Variants in WSCD2 observed in about 807,000 individuals in gnomAD.
WSCD2 encodes WSC domain sialate O sulfotransferase 2, also known as sialate:O-sulfotransferase 2.
A neutral mutation model predicts 55.7 loss-of-function variants in WSCD2; 28 were observed. The observed-to-expected ratio is 0.50, with a 90% CI of 0.37 to 0.69. The LOEUF (loss-of-function observed/expected upper bound fraction) is 0.69. WSCD2 is among the 30% of genes least tolerant of loss of function. The probability of loss-of-function intolerance (pLI) is 0.00; values close to 1 mark genes in which losing one functional copy is unlikely to be tolerated. For synonymous variants in WSCD2, 301 were observed against 301.9 expected, an observed-to-expected ratio of 1.00 and a Z score of 0.03; for missense variants, 616 against 762.1, an observed-to-expected ratio of 0.81 and a Z score of 2.26.
chr12:108,156,953 A>T (rs1316464310), intron 1 of WSCD2, among the ~76,000 whole-genome samples: 1 of 152,218 alleles, frequency 6.6e-6, no homozygotes, highest in African/African-American at 2.4e-5. Flanking sequence ...AGGCACTGCC[A>T]GGACTTGTTT....
intron 2 of WSCD2, among the ~76,000 whole-genome samples, chr12:108,200,119 T>C (rs1593003015): frequency 6.6e-6 from 1 of 152,246 alleles, no homozygotes; most frequent in South Asian, 2.1e-4. Flanking sequence ...TTGGGCTGGG[T>C]GTGAAGGTGG....
chr12:108,139,566 C>T (rs144731210), intron 1 of WSCD2, among the ~76,000 whole-genome samples: 1 of 152,212 alleles, frequency 6.6e-6, no homozygotes. Flanking sequence ...CAGCCCAGAT[C>T]AGCCACTTGC....
intron 8 of WSCD2, among the ~76,000 whole-genome samples, chr12:108,246,171 C>T (rs1458310577): frequency 6.6e-6 from 1 of 152,258 alleles, no homozygotes; most frequent in Non-Finnish European, 1.5e-5. Context: ...CACTTCACCT[C>T]TCTGAGCCTC....
At chr12:108,156,005 A>G (rs778682486) in intron 1 of WSCD2, among the ~76,000 whole-genome samples, 4 of 152,230 alleles carry the variant, frequency 2.6e-5, no homozygotes, top group Non-Finnish European at 5.9e-5. Context: ...CCAACGAGCC[A>G]TCTGCTGAAG....
At chr12:108,229,182 G>A (rs1267787654) in intron 6 of WSCD2, among the ~76,000 whole-genome samples, 1 of 152,158 alleles carries the variant, frequency 6.6e-6, no homozygotes, top group African/African-American at 2.4e-5. Context: ...CAAGAGCCTG[G>A]CCCACCAGGA....
At chr12:108,186,274 G>C (rs1488881954) in intron 1 of WSCD2, among the ~76,000 whole-genome samples, 1 of 152,008 alleles carries the variant, frequency 6.6e-6, no homozygotes, top group East Asian at 1.9e-4. Flanking sequence ...TATAACCCCA[G>C]ACCCTCCTCC....
At chr12:108,230,836 G>T (rs1293648211) in intron 6 of WSCD2, among the ~76,000 whole-genome samples, 1 of 152,180 alleles carries the variant, frequency 6.6e-6, no homozygotes, top group Non-Finnish European at 1.5e-5. Flanking sequence ...CCCATAACCG[G>T]TCCAGGGCAG....
chr12:108,192,649 G>T (rs1883328914), intron 1 of WSCD2, among the ~76,000 whole-genome samples: 1 of 152,186 alleles, frequency 6.6e-6, no homozygotes, highest in African/African-American at 2.4e-5. Flanking sequence ...CCAGCCCACA[G>T]TCCCCCAAGC....
intron 5 of WSCD2, among the ~76,000 whole-genome samples, chr12:108,225,711 A>C (rs1489389108): frequency 4.0e-5 from 6 of 151,626 alleles, no homozygotes; most frequent in Non-Finnish European, 7.4e-5. Flanking sequence ...CAGGTTGTGA[A>C]CTCCCGGAGG....
intron 4 of WSCD2, among the ~76,000 whole-genome samples, chr12:108,219,663 G>C (rs1165160263): frequency 6.6e-6 from 1 of 152,172 alleles, no homozygotes; most frequent in Non-Finnish European, 1.5e-5. Context: ...TGCTGTGTTG[G>C]GGGCCTCAGA....
rs199895444 is a variant in WSCD2, at chr12:108,200,730, GGGGACCCCAAAGGA to G, written c.382+4526_382+4539del. On this transcript the variant is annotated intron_variant, in intron 2 of 8. Coordinates refer to ENST00000547525, the MANE Select transcript of WSCD2 (RefSeq NM_014653.4). ...ACTAAGAAAATTTAGAAAAGTTTTG[GGGGACCCCAAAGGA>G]GGGACCCCATTCAGTCATGGGGTAT... Among the ~76,000 whole-genome samples the G allele has an allele frequency of 8.1e-3, 1,231 of 152,218 alleles. 16 individuals are homozygous for G. The highest frequency in any genetic ancestry group is 0.029 in the African/African-American group (1,189 of 41,540).
chr12:108,199,458 A>G (rs1179115554), intron 2 of WSCD2, among the ~76,000 whole-genome samples: 1 of 152,188 alleles, frequency 6.6e-6, no homozygotes, highest in Non-Finnish European at 1.5e-5. Flanking sequence ...TCACATGGCC[A>G]TGTGAGGGCC....
Position 108,141,117 on chromosome 12 carries a change from G to A in WSCD2, c.-552+11191G>A, listed in dbSNP as rs1036657640. Among the ~76,000 whole-genome samples the A allele has an allele frequency of 5.3e-5, 8 of 152,118 alleles. No homozygotes were observed. In the East Asian group the frequency reaches 5.8e-4, roughly 11 times the overall value. On this transcript the variant is annotated intron_variant, in intron 1 of 8. Transcript: ENST00000547525. ...ACCCAGGCTGGAATGCAAGTGACAC[G>A]ATCATAGCTCACTGCAGCCTTGAAT...
rs1024809982 is a variant in WSCD2 at position 108,249,632 on chromosome 12, T to C, written c.*1289T>C. On this transcript the variant is annotated 3_prime_UTR_variant, in exon 9 of 9. Transcript: ENST00000547525. Reference sequence around the variant, plus strand: ...GCCATAGGTCATAGCCTCTTTGCTATTCTATTGGAGTAGCCTCCCTAGGCA... The same window carrying C: ...GCCATAGGTCATAGCCTCTTTGCTACTCTATTGGAGTAGCCTCCCTAGGCA... 1 of 152,656 alleles carries C rather than the reference T, an allele frequency of 6.6e-6. No homozygotes were observed. The highest frequency in any genetic ancestry group is 1.5e-5 in the Non-Finnish European group (1 of 68,042). 9.5% of individuals were successfully genotyped at this position (152,656 alleles called of 1,614,324 possible).
intron 1 of WSCD2, among the ~76,000 whole-genome samples, chr12:108,184,182 C>T (rs1176227697): frequency 1.3e-5 from 2 of 152,108 alleles, no homozygotes; most frequent in Non-Finnish European, 2.9e-5. Flanking sequence ...GTGAGCCCAC[C>T]TCTCAGTCCT....
At chr12:108,160,290 A>T (rs1355994006) in intron 1 of WSCD2, among the ~76,000 whole-genome samples, 1 of 152,338 alleles carries the variant, frequency 6.6e-6, no homozygotes, top group East Asian at 1.9e-4. Flanking sequence ...CTGTAGCTAT[A>T]GGATAGGATA....
intron 6 of WSCD2, among the ~76,000 whole-genome samples, chr12:108,231,446 G>C (rs1888742532): frequency 6.6e-6 from 1 of 152,184 alleles, no homozygotes; most frequent in Admixed American, 6.5e-5. Flanking sequence ...TGATGGTAAT[G>C]GCATTCTGCA....
intron 1 of WSCD2, among the ~76,000 whole-genome samples, chr12:108,192,162 T>C (rs1323846931): frequency 1.3e-5 from 2 of 152,238 alleles, no homozygotes; most frequent in African/African-American, 4.8e-5. Context: ...GTCTCACATG[T>C]GCCCTTGAGG....
In WSCD2 at chr12:108,248,051, T is replaced by G. The variant is rs775124847; in HGVS notation, c.1406T>G (p.Leu469Arg). 1 of 1,614,186 alleles carries G rather than the reference T, an allele frequency of 6.2e-7. No homozygotes were observed. The highest frequency in any genetic ancestry group is 1.7e-5 in the Admixed American group (1 of 60,028). The change falls in exon 9 of 9, where the codon CTC (leucine) becomes CGC (arginine). Residue 469 changes from leucine (L) to arginine (R), a missense_variant. Leu to Arg is a moderately radical substitution (Grantham distance 102). Coordinates refer to ENST00000547525, the MANE Select transcript of WSCD2 (RefSeq NM_014653.4). The surrounding 1 kb of genome is among the most constrained non-coding windows in gnomAD (Gnocchi z 4.3). The part of the protein sequence containing the change: ...PWWATHTLDW[L>R]KFGKKVLVVH... ...TGGGCCACTCACACACTGGACTGGC[T>G]CAAGTTTGGCAAGAAGGTGCTGGTG...
Sources: gnomAD v4.1 joint callset for allele counts (sites outside exome capture counted in the v4.1 genomes callset) on GRCh38, gnomAD v4.1.1 for gene constraint, Gnocchi (gnomAD v3.1) non-coding constraint, MANE v1.5 for transcripts, NCBI Gene and HGNC (gene_info 2026-07-23, HGNC 2026-07-21) for gene names.